Variants in ATAD3C observed in about 807,000 individuals in gnomAD.
The protein encoded by ATAD3C is ATPase family AAA domain-containing protein 3C.
A neutral mutation model predicts 46.3 loss-of-function variants in ATAD3C; 38 were observed. The observed-to-expected ratio is 0.82, with a 90% CI of 0.63 to 1.08. The LOEUF is 1.08. Ranked by LOEUF, ATAD3C falls within the 50% of genes least tolerant of loss-of-function variation. The pLI is 0.00. For synonymous variants in ATAD3C, 220 were observed against 236.4 expected (o/e 0.93, Z 0.63); for missense variants, 563 against 572.7 (o/e 0.98, Z 0.17).
At position 1,460,733 on chromosome 1, in the gene ATAD3C, C is replaced by G. The variant is rs769245942; in HGVS notation, c.813-17C>G. On this transcript the variant is annotated splice_polypyrimidine_tract_variant and intron_variant, in intron 9 of 11. Transcript: ENST00000378785. ...GCCGGCAGCCCCAGCGTTTCCTTCCCCATCCCCGCCCCGCAGATTCATGCT... is the reference window on the plus strand; with the variant it reads ...GCCGGCAGCCCCAGCGTTTCCTTCCGCATCCCCGCCCCGCAGATTCATGCT... 6.3e-7 allele frequency: 1 copy of G among 1,591,478 alleles called. No individual in the cohort carries two copies. The highest frequency in any genetic ancestry group is 1.7e-5 in the Admixed American group (1 of 58,436).
chr1:1,452,566 A>G (rs1020156426), intron 3 of ATAD3C, 132 bp downstream of exon 3: 1 of 1,445,218 alleles, frequency 6.9e-7, no homozygotes, highest in African/African-American at 1.4e-5. Flanking sequence ...ACAAGCCCAA[A>G]CTGGACCTGC....
In ATAD3C at chr1:1,460,872, T is replaced by G; in HGVS notation, c.935T>G (p.Met312Arg). The G allele has an allele frequency of 6.2e-6, 10 of 1,612,930 alleles. 1 individual carries two copies. The highest frequency in any genetic ancestry group is 8.5e-6 in the Non-Finnish European group (10 of 1,179,368). The change falls in exon 10 of 12, where the codon ATG becomes AGG. Residue 312 changes from methionine to arginine, a missense_variant. This residue lies in a region of ATAD3C where 273 missense variants were observed against 253.5 expected (regional missense o/e 1.08). Transcript: ENST00000378785. ...GQEERARLVR[M>R]YLNEYVLKPA... is the part of the protein sequence containing the mutation. Reference sequence around the variant, plus strand: ...GAGGAGCGGGCGCGCCTGGTGAGAATGTATCTTAACGAGTATGTTCTTAAG... The same window carrying G: ...GAGGAGCGGGCGCGCCTGGTGAGAAGGTATCTTAACGAGTATGTTCTTAAG...
At chr1:1,458,234 G>GCCTCC (rs1638999688) in intron 8 of ATAD3C, among the ~76,000 whole-genome samples, 1 of 151,800 alleles carries the variant, frequency 6.6e-6, no homozygotes, top group Non-Finnish European at 1.5e-5. Context: ...GCCCGCTGCT[G>GCCTCC]CCTCCCAAAA....
chr1:1,467,609 T>C (rs558109931), intron 11 of ATAD3C, among the ~76,000 whole-genome samples: 4,652 of 151,992 alleles, frequency 0.031, 267 homozygotes, highest in African/African-American at 0.11. Context: ...CTGGGAGGCA[T>C]AGCTGGGATG....
chr1:1,458,657 A>C (rs1255266814), intron 8 of ATAD3C, among the ~76,000 whole-genome samples: 1 of 151,470 alleles, frequency 6.6e-6, no homozygotes, highest in Non-Finnish European at 1.5e-5. Context: ...TTCTGAGCTA[A>C]AGAGATGCTC....
chr1:1,454,214 C>T, intron 3 of ATAD3C, 131 bp from the exon 4 acceptor site: 2 of 1,424,872 alleles, frequency 1.4e-6, no homozygotes, highest in Non-Finnish European at 1.9e-6. Flanking sequence ...ATTCGGGTTC[C>T]TGTGGGGCCA....
Position 1,459,936 on chromosome 1 carries a change from T to G in ATAD3C, c.812+705T>G, listed in dbSNP as rs1178514329. 2.0e-5 allele frequency among the ~76,000 whole-genome samples: 3 copies of G among 152,008 alleles called. No homozygotes were observed. The highest frequency in any genetic ancestry group is 2.0e-4 in the Admixed American group (3 of 15,240). ...TGACTCCTCAGGCACGTTGGGCTCC[T>G]GGGTCAGCTGCTGCCGGTAGACGCT... On this transcript the variant is annotated intron_variant, in intron 9 of 11. Coordinates refer to ENST00000378785, the MANE Select transcript of ATAD3C (RefSeq NM_001039211.3). This position sits in a 1 kb window ranked among gnomAD's most constrained non-coding sequence, Gnocchi z 4.9.
chr1:1,457,082 G>A, intron 7 of ATAD3C, 47 bp from the exon 8 acceptor site: 1 of 1,611,166 alleles, frequency 6.2e-7, no homozygotes. Flanking sequence ...GCTGTGGGCT[G>A]CTCCTGGCAT....
rs569794156 is a variant in ATAD3C at position 1,459,363 on chromosome 1, T to C, written c.812+132T>C. 858 of 1,534,576 alleles carry C rather than the reference T, an allele frequency of 5.6e-4. 9 individuals are homozygous for C. The African/African-American group carries it at 8.5e-3, about 15-fold the overall frequency. ...TGCCGTGGCCTCAACGTGCCCACCT[T>C]GGATGTCCCCTGGGAACGGCCCAGC... is the stretch of plus-strand genomic sequence containing the variant. On this transcript the variant is annotated intron_variant, in intron 9 of 11. Transcript: ENST00000378785. The surrounding 1 kb of genome is among the most constrained non-coding windows in gnomAD (Gnocchi z 4.9).
rs1638941735 is a variant in ATAD3C, at chr1:1,455,450, T to C, written c.379-10T>C. The stretch of plus-strand genomic sequence containing the variant: ...CAGGTGACCCAATGGTGCTTCCCCT[T>C]CCCCTCCAGCAGGTCAGCCGGCGGC... On this transcript the variant is annotated splice_polypyrimidine_tract_variant and intron_variant, in intron 4 of 11. Transcript: ENST00000378785. The C allele has an allele frequency of 2.5e-6, 4 of 1,611,266 alleles. No individual in the cohort carries two copies. The African/African-American group carries it at 4.0e-5, about 16-fold the overall frequency.
At chr1:1,467,112 C>T (rs759812025) in intron 11 of ATAD3C, among the ~76,000 whole-genome samples, 8 of 152,156 alleles carry the variant, frequency 5.3e-5, no homozygotes, top group South Asian at 4.2e-4. Context: ...GACCCACCCG[C>T]GACCAGGTTT....
At chr1:1,458,137 T>C (rs1570151081) in intron 8 of ATAD3C, among the ~76,000 whole-genome samples, 1 of 133,586 alleles carries the variant, frequency 7.5e-6, no homozygotes, top group African/African-American at 2.9e-5. Context: ...TGCCACCACA[T>C]CCAGATAAGT....
chr1:1,460,284 G>T (rs2100484774), intron 9 of ATAD3C, among the ~76,000 whole-genome samples: 1 of 151,990 alleles, frequency 6.6e-6, no homozygotes, highest in Non-Finnish European at 1.5e-5. Flanking sequence ...GTTTCACCAT[G>T]TTAGTCAGCT....
intron 3 of ATAD3C, 117 bp downstream of exon 3, chr1:1,452,551 A>G (rs941514780): frequency 2.0e-6 from 3 of 1,538,134 alleles, no homozygotes; most frequent in Middle Eastern, 2.1e-4. Flanking sequence ...CTCTCCCAGC[A>G]TGGAACAAGC....
Position 1,462,493 on chromosome 1 carries a change from A to G in ATAD3C, c.981-107A>G. 8.6e-7 allele frequency: 1 copy of G among 1,167,252 alleles called. No homozygotes were observed. Among genetic ancestry groups the G allele is most frequent in the South Asian group, 1.3e-5 (1 of 75,826 alleles). 72.3% of individuals were successfully genotyped at this position (1,167,252 alleles called of 1,614,324 possible). A position where few individuals can be genotyped will look rare whatever the true frequency, so the allele number is the denominator to read the frequency against. On this transcript the variant is annotated intron_variant, in intron 10 of 11. Transcript: ENST00000378785. This position sits in a 1 kb window ranked among gnomAD's most constrained non-coding sequence, Gnocchi z 4.5. ...TGTCACAGGTAGAGAGTCCCTCTCA[A>G]GGGGGCATCTGGCATGGGTGTCCGC...
Position 1,450,608 on chromosome 1 carries a change from T to C in ATAD3C, c.-76T>C, listed in dbSNP as rs2100469892. On this transcript the variant is annotated 5_prime_UTR_variant, in exon 1 of 12. Transcript: ENST00000378785. ...TGGCCGTGGATTCCAGAAAGCCCCT[T>C]GGCTGGTGTGCGTGCCTGCCCAGCG... 1.3e-6 allele frequency: 2 copies of C among 1,537,302 alleles called. No homozygotes were observed. Among genetic ancestry groups the C allele is most frequent in the African/African-American group, 2.7e-5 (2 of 73,354 alleles).
chr1:1,462,781 T>C lies in ATAD3C; in HGVS notation c.1089+73T>C, dbSNP rs1639090217. On this transcript the variant is annotated intron_variant, in intron 11 of 11. Transcript: ENST00000378785. The surrounding 1 kb of genome is among the most constrained non-coding windows in gnomAD (Gnocchi z 4.5). Reference sequence around the variant, plus strand: ...TGCAGATGCTTGGTTGCGCCAGGCCTGTCCCAGCACCGGTGTCACGTGGGA... The same window carrying C: ...TGCAGATGCTTGGTTGCGCCAGGCCCGTCCCAGCACCGGTGTCACGTGGGA... The C allele has an allele frequency of 8.1e-6, 12 of 1,484,250 alleles. No individual in the cohort carries two copies. The highest frequency in any genetic ancestry group is 1.1e-5 in the Non-Finnish European group (12 of 1,089,514). 91.9% of individuals were successfully genotyped at this position (1,484,250 alleles called of 1,614,324 possible). A position where few individuals can be genotyped will look rare whatever the true frequency, so the allele number is the denominator to read the frequency against.
chr1:1,459,163 G>A lies in ATAD3C; in HGVS notation c.744G>A (p.Glu248=), dbSNP rs1639016160. The A allele has an allele frequency of 6.2e-7, 1 of 1,611,466 alleles. No individual in the cohort carries two copies. Among genetic ancestry groups the A allele is most frequent in the Non-Finnish European group, 8.5e-7 (1 of 1,178,876 alleles). The change falls in exon 9 of 12, where the codon GAG becomes GAA. Residue 248 remains glutamate (E), a splice_region_variant and synonymous_variant. Transcript: ENST00000378785. This position sits in a 1 kb window ranked among gnomAD's most constrained non-coding sequence, Gnocchi z 4.9. The part of the protein sequence containing the change: ...ADAFLRKRAT[E]KISEDLRATL... The stretch of plus-strand genomic sequence containing the variant: ...AGGCTGGAACCTTCTCTCTGCAGGA[G>A]AAGATAAGCGAGGACCTCAGGGCCA...
In ATAD3C at chr1:1,462,874, C is replaced by T. The variant is rs190379709; in HGVS notation, c.1089+166C>T. 1.3e-5 allele frequency among the ~76,000 whole-genome samples: 2 copies of T among 152,106 alleles called. No homozygotes were observed. Among genetic ancestry groups the T allele is most frequent in the Non-Finnish European group, 2.9e-5 (2 of 68,000 alleles). ...CCCCTGCCCCAGTTGGGCCACTCCA[C>T]GCAGCAGCGTGCACCTGCTCCAGCA... On this transcript the variant is annotated intron_variant, in intron 11 of 11. Transcript: ENST00000378785. The surrounding 1 kb of genome is among the most constrained non-coding windows in gnomAD (Gnocchi z 4.5).
Sources: allele counts gnomAD v4.1 joint callset (sites outside exome capture counted in the v4.1 genomes callset), GRCh38; gene constraint gnomAD v4.1.1; regional missense constraint gnomAD v4.1.1; non-coding constraint Gnocchi (gnomAD v3.1); transcripts MANE v1.5; gene names NCBI Gene and HGNC (gene_info 2026-07-23, HGNC 2026-07-21).